CMC2: variants seen among roughly 807,000 people sequenced by gnomAD.
CMC2 encodes C-X9-C motif containing 2.
Under a neutral mutation model 7.5 loss-of-function variants are expected in CMC2, and 5 were observed. That is an observed-to-expected ratio of 0.66 (90% CI 0.35 to 1.40). The LOEUF (loss-of-function observed/expected upper bound fraction) is 1.40, where lower values mean the gene tolerates loss of function less well. Among genes scored for constraint, CMC2 ranks in the 40% most tolerant of loss-of-function variants. The pLI, the probability that CMC2 is intolerant of heterozygous loss-of-function variation, is 0.04. For synonymous variants in CMC2, 37 were observed against 31.4 expected, an observed-to-expected ratio of 1.18 and a Z score of -0.60; for missense variants, 115 against 92.3, an observed-to-expected ratio of 1.25 and a Z score of -1.01.
intron 1 of CMC2, chr16:81,006,364 C>G (rs1567541504): frequency 6.6e-6 from 1 of 152,236 alleles, no homozygotes; most frequent in Non-Finnish European, 1.5e-5. Flanking sequence ...GGGCGCTCAT[C>G]GTGTCAAACC....
Position 80,988,391 on chromosome 16 carries a change from G to A in CMC2, c.82-6514C>T, listed in dbSNP as rs115341902. The A allele has an allele frequency of 6.3e-3, 3,689 of 589,128 alleles. 114 individuals carry two copies. The African/African-American group carries it at 0.063, about 10-fold the overall frequency. 36.5% of individuals were successfully genotyped at this position (589,128 alleles called of 1,614,324 possible). A position where few individuals can be genotyped will look rare whatever the true frequency, so the allele number is the denominator to read the frequency against. On this transcript the variant is annotated intron_variant, in intron 2 of 3. Transcript: ENST00000219400. ...CTTAAAAAGTGCAAGTCTTCAGAAAGATCAGTTAGGTAAAGTATTTCTTGA... is the reference window on the plus strand; with the variant it reads ...CTTAAAAAGTGCAAGTCTTCAGAAAAATCAGTTAGGTAAAGTATTTCTTGA...
intron 3 of CMC2, among the ~76,000 whole-genome samples, chr16:80,980,021 C>CG: frequency 6.7e-6 from 1 of 149,628 alleles, no homozygotes; most frequent in African/African-American, 2.5e-5. Context: ...TGGGCTCAAG[C>CG]GATCCTCCCG....
At chr16:80,980,739 T>C (rs1402057451) in intron 3 of CMC2, 2 of 663,562 alleles carry the variant, frequency 3.0e-6, no homozygotes, top group Non-Finnish European at 5.4e-6. Context: ...AAAAAATGTG[T>C]AAAACCTTAA....
chr16:81,003,631 G>T (rs1326338763), intron 1 of CMC2, among the ~76,000 whole-genome samples: 1 of 152,198 alleles, frequency 6.6e-6, no homozygotes, highest in Non-Finnish European at 1.5e-5. Flanking sequence ...ACAGCAGTTT[G>T]TGAATGAAAT....
rs570873070 is a variant in CMC2, at chr16:80,990,319, C to T, written c.81+6995G>A. On this transcript the variant is annotated intron_variant, in intron 2 of 3. Coordinates refer to ENST00000219400, the MANE Select transcript of CMC2 (RefSeq NM_020188.5). ...CTGAGTAGCTGGGATTACAGGGGTC[C>T]GCCACCACGCACAGCTAATTTTTTA... 8.5e-5 allele frequency among the ~76,000 whole-genome samples: 13 copies of T among 152,060 alleles called. No homozygotes were observed. In the East Asian group the frequency reaches 1.7e-3, roughly 20 times the overall value.
At chr16:80,999,576 A>T (rs764041933) in intron 1 of CMC2, among the ~76,000 whole-genome samples, 19 of 152,210 alleles carry the variant, frequency 1.2e-4, no homozygotes, top group African/African-American at 3.6e-4. Flanking sequence ...CCAAAAATTC[A>T]TATGGAACCA....
intron 2 of CMC2, among the ~76,000 whole-genome samples, chr16:80,991,413 T>C (rs1349053903): frequency 6.6e-6 from 1 of 152,120 alleles, no homozygotes; most frequent in Non-Finnish European, 1.5e-5. Context: ...GGCAGACAGA[T>C]TGCTTGAGCC....
At chr16:80,986,067 G>A (rs773071555) in intron 2 of CMC2, among the ~76,000 whole-genome samples, 1 of 152,178 alleles carries the variant, frequency 6.6e-6, no homozygotes, top group Non-Finnish European at 1.5e-5. Context: ...GTGACAATGA[G>A]CCAGGTGCGG....
intron 2 of CMC2, chr16:80,982,190 T>C (rs1967171208): frequency 9.6e-6 from 2 of 208,294 alleles, no homozygotes; most frequent in Non-Finnish European, 1.9e-5. Context: ...AAGAGAAAGA[T>C]ACGGCATAAA....
chr16:80,980,759 G>C, intron 3 of CMC2: 1 of 681,408 alleles, frequency 1.5e-6, no homozygotes, highest in Admixed American at 2.2e-5. Context: ...ACCAGGCATG[G>C]TGGTACGCAC....
chr16:80,981,032 G>T (rs1967071409), intron 3 of CMC2, among the ~76,000 whole-genome samples: 1 of 149,844 alleles, frequency 6.7e-6, no homozygotes. Context: ...TCAAAAGAAA[G>T]ATGTTGGACA....
chr16:80,978,268 C>T, intron 3 of CMC2: 1 of 1,119,954 alleles, frequency 8.9e-7, no homozygotes. Flanking sequence ...TGGATTGCCC[C>T]CAGCAATCAG....
intron 2 of CMC2, among the ~76,000 whole-genome samples, chr16:80,982,149 C>A (rs1967167086): frequency 1.3e-5 from 2 of 152,028 alleles, no homozygotes; most frequent in South Asian, 4.1e-4. Flanking sequence ...CACAGATGAA[C>A]TACCATAGCC....
At chr16:80,979,530 G>A (rs1194789401) in intron 3 of CMC2, among the ~76,000 whole-genome samples, 1 of 151,890 alleles carries the variant, frequency 6.6e-6, no homozygotes, top group Admixed American at 6.6e-5. Context: ...ACAGCTGAAA[G>A]TATGTAAAAA....
At chr16:80,991,684 G>C (rs560980703) in intron 2 of CMC2, 1 of 221,674 alleles carries the variant, frequency 4.5e-6, no homozygotes, top group Non-Finnish European at 9.2e-6. Context: ...TCTCAGCCAG[G>C]TGATCAACGT....
intron 2 of CMC2, 78 bp from the exon 3 acceptor site, chr16:80,981,955 C>T (rs2549822): frequency 0.81 from 640,517 of 787,986 alleles, 262,184 homozygotes; most frequent in South Asian, 0.93. Context: ...TAAATACTGC[C>T]ACAGACATGA....
intron 3 of CMC2, chr16:80,980,725 T>C: frequency 1.5e-6 from 1 of 647,314 alleles, no homozygotes; most frequent in Non-Finnish European, 2.8e-6. Flanking sequence ...CTCTCATCTC[T>C]ACAAAAAAAT....
In CMC2 at chr16:80,974,685, T is replaced by C. The variant is rs976710417; in HGVS notation, c.*1408A>G. ...TGACATCTACCTAATCATGGCACTT[T>C]GATGATTACAGGTGACTAAAAGTCA... On this transcript the variant is annotated 3_prime_UTR_variant, in exon 4 of 4. Coordinates refer to ENST00000219400, the MANE Select transcript of CMC2 (RefSeq NM_020188.5). 5.3e-5 allele frequency: 8 copies of C among 152,248 alleles called. No individual in the cohort carries two copies. Among genetic ancestry groups the C allele is most frequent in the African/African-American group, 1.9e-4 (8 of 41,464 alleles). The allele number at this position is 152,248 out of a possible 1,614,324, so 9.4% of individuals were successfully genotyped here.
Position 81,006,705 on chromosome 16 carries a change from T to C in CMC2, c.-36+29A>G, listed in dbSNP as rs867100460. On this transcript the variant is annotated intron_variant, in intron 1 of 3. Transcript: ENST00000219400. The stretch of plus-strand genomic sequence containing the variant: ...CCTGAGGAGGAACAACGGAACGCGT[T>C]CGGAACGGCCTGGACTCCCGAGACT... 2.7e-4 allele frequency: 264 copies of C among 985,122 alleles called. No homozygotes were observed. The African/African-American group carries it at 4.4e-3, about 16-fold the overall frequency. The allele number at this position is 985,122 out of a possible 1,614,324, so 61.0% of individuals were successfully genotyped here. A position where few individuals can be genotyped will look rare whatever the true frequency, so the allele number is the denominator to read the frequency against.
Sources: gnomAD v4.1 joint callset for allele counts (sites outside exome capture counted in the v4.1 genomes callset) on GRCh38, gnomAD v4.1.1 for gene constraint, MANE v1.5 for transcripts, NCBI Gene and HGNC (gene_info 2026-07-23, HGNC 2026-07-21) for gene names.